Variants in METTL15 observed in about 807,000 individuals in gnomAD.
METTL15 encodes the protein methyltransferase 15, mitochondrial 12S rRNA N4-cytidine.
METTL15 carries 34 observed loss-of-function variants against 38.3 expected under a neutral mutation model. That is an observed-to-expected ratio of 0.89 (90% CI 0.68 to 1.18). The LOEUF is 1.18. Among genes scored for constraint, METTL15 ranks in the 50% most tolerant of loss-of-function variants. The pLI is 0.00. For missense variants in METTL15, 438 were observed against 498.4 expected (o/e 0.88, Z 1.15); for synonymous variants, 162 against 170.9 (o/e 0.95, Z 0.41).
At chr11:28,262,586 G>A (rs1482727291) in intron 4 of METTL15, among the ~76,000 whole-genome samples, 1 of 152,060 alleles carries the variant, frequency 6.6e-6, no homozygotes, top group Non-Finnish European at 1.5e-5. Context: ...GGACTGAGAT[G>A]TAATAGAAAT....
At chr11:28,210,857 G>C (rs1852603645) in intron 3 of METTL15, among the ~76,000 whole-genome samples, 1 of 151,992 alleles carries the variant, frequency 6.6e-6, no homozygotes, top group Non-Finnish European at 1.5e-5. Context: ...TTTACTGATA[G>C]TCTGATCAGT....
intron 3 of METTL15, among the ~76,000 whole-genome samples, chr11:28,209,103 A>T (rs1324297168): frequency 6.6e-6 from 1 of 152,076 alleles, no homozygotes; most frequent in Non-Finnish European, 1.5e-5. Context: ...TACATTAAAA[A>T]TAATCATGTA....
chr11:28,281,787 G>T (rs991291308), intron 4 of METTL15, among the ~76,000 whole-genome samples: 1 of 152,268 alleles, frequency 6.6e-6, no homozygotes, highest in South Asian at 2.1e-4. Context: ...GCACTGGACA[G>T]TCTTAACTCC....
At chr11:28,439,218 A>G (rs1175737788) in intron 6 of METTL15, among the ~76,000 whole-genome samples, 1 of 152,178 alleles carries the variant, frequency 6.6e-6, no homozygotes, top group Non-Finnish European at 1.5e-5. Context: ...TAAAGGGACT[A>G]GGATATCTGT....
At chr11:28,166,913 C>T (rs1288316889) in intron 3 of METTL15, among the ~76,000 whole-genome samples, 2 of 152,150 alleles carry the variant, frequency 1.3e-5, no homozygotes, top group Non-Finnish European at 2.9e-5. Context: ...CGTGCCAGTG[C>T]ACTCCAGCCT....
At chr11:28,378,729 T>G (rs537000398) in intron 5 of METTL15, among the ~76,000 whole-genome samples, 1 of 151,396 alleles carries the variant, frequency 6.6e-6, no homozygotes, top group East Asian at 1.9e-4. Flanking sequence ...GCTAGTGTCT[T>G]AGAATGGGTT....
chr11:28,209,344 C>G (rs961482114), intron 3 of METTL15, among the ~76,000 whole-genome samples: 1 of 151,896 alleles, frequency 6.6e-6, no homozygotes, highest in African/African-American at 2.4e-5. Context: ...TTATGTTGAA[C>G]TTCTTAAAAT....
chr11:28,485,137 A>ACACT (rs1180161834), intron 6 of METTL15, among the ~76,000 whole-genome samples: 1 of 151,526 alleles, frequency 6.6e-6, no homozygotes, highest in Non-Finnish European at 1.5e-5. Context: ...ACACACACAC[A>ACACT]CACTCACACC....
chr11:28,265,922 A>G (rs908765005), intron 4 of METTL15, among the ~76,000 whole-genome samples: 1 of 152,158 alleles, frequency 6.6e-6, no homozygotes, highest in Admixed American at 6.6e-5. Flanking sequence ...TCAACTCATC[A>G]TTTAACATTA....
chr11:28,285,482 T>A (rs1454776214), intron 4 of METTL15, among the ~76,000 whole-genome samples: 1 of 152,088 alleles, frequency 6.6e-6, no homozygotes. Flanking sequence ...ACCCCTGCTT[T>A]GGAGTAAAGA....
chr11:28,237,837 T>C (rs1002204636), intron 4 of METTL15, among the ~76,000 whole-genome samples: 1 of 152,232 alleles, frequency 6.6e-6, no homozygotes, highest in East Asian at 1.9e-4. Flanking sequence ...GACCCTCAGC[T>C]GCAGGTCTGT....
chr11:28,135,878 A>G (rs1849497981), intron 3 of METTL15, among the ~76,000 whole-genome samples: 1 of 152,208 alleles, frequency 6.6e-6, no homozygotes, highest in South Asian at 2.1e-4. Context: ...TAAGCACAAA[A>G]GGTTAAAAAG....
At chr11:28,340,313 G>C (rs1849938943) in intron 3 of METTL15, among the ~76,000 whole-genome samples, 1 of 151,992 alleles carries the variant, frequency 6.6e-6, no homozygotes, top group Admixed American at 6.6e-5. Flanking sequence ...TAAAAAATAA[G>C]CTACATAGTC....
chr11:28,421,985 G>A (rs1206373320), intron 5 of METTL15, among the ~76,000 whole-genome samples: 2 of 152,006 alleles, frequency 1.3e-5, no homozygotes, highest in Admixed American at 1.3e-4. Context: ...AACACATTCA[G>A]TAAAGTTGCA....
chr11:28,244,145 A>G (rs982200430), intron 4 of METTL15, among the ~76,000 whole-genome samples: 1 of 152,206 alleles, frequency 6.6e-6, no homozygotes, highest in Admixed American at 6.5e-5. Context: ...CTAAAAAGCA[A>G]GGGAATTATT....
chr11:28,134,411 G>A (rs1318143014), intron 3 of METTL15: 18 of 396,146 alleles, frequency 4.5e-5, no homozygotes, highest in African/African-American at 2.1e-4. Context: ...CTTAGTTGGC[G>A]GTGGACATAT....
At position 28,435,680 on chromosome 11, in the gene METTL15, T is replaced by A. The variant is rs536642967; in HGVS notation, c.*424+11316T>A. On this transcript the variant is annotated intron_variant and NMD_transcript_variant, in intron 6 of 7. Transcript: ENST00000532947. ...CTCCAGGCTGGCAAACTGTTGCCAA[T>A]GTAGCTGAATTAAAAACATTGTGAA... Among the ~76,000 whole-genome samples the A allele has an allele frequency of 1.9e-3, 293 of 152,340 alleles. 1 individual carries two copies. Among genetic ancestry groups the A allele is most frequent in the African/African-American group, 6.6e-3 (276 of 41,582 alleles).
intron 5 of METTL15, among the ~76,000 whole-genome samples, chr11:28,403,643 T>TA (rs947379563): frequency 6.6e-6 from 1 of 151,994 alleles, no homozygotes; most frequent in Admixed American, 6.6e-5. Flanking sequence ...ATCTTATCCA[T>TA]AAAAAACCAC....
intron 4 of METTL15, among the ~76,000 whole-genome samples, chr11:28,273,832 A>T (rs1273164891): frequency 2.0e-5 from 3 of 152,086 alleles, no homozygotes; most frequent in Non-Finnish European, 2.9e-5. Context: ...CCAAAAAGGA[A>T]TGCTGTATTA....
Sources: gnomAD v4.1 joint callset for allele counts (sites outside exome capture counted in the v4.1 genomes callset) on GRCh38, gnomAD v4.1.1 for gene constraint, MANE v1.5 for transcripts, NCBI Gene and HGNC (gene_info 2026-07-23, HGNC 2026-07-21) for gene names.